The following MMP26 variants were observed in gnomAD, a reference collection of about 807,000 sequenced individuals.
The protein encoded by MMP26 is matrix metallopeptidase 26.
A neutral mutation model predicts 31.0 loss-of-function variants in MMP26; 33 were observed. The ratio of observed to expected loss-of-function variants is 1.06; its 90% CI spans 0.81 to 1.42. MMP26 has a LOEUF of 1.42. MMP26 is among the 40% of genes most tolerant of loss of function. MMP26 has a pLI of 0.00. For missense variants in MMP26, 347 were observed against 316.1 expected (o/e 1.10, Z -0.74); for synonymous variants, 122 against 114.9 (o/e 1.06, Z -0.40).
chr11:4,819,290 G>A (rs1310595548), intron 2 of MMP26, among the ~76,000 whole-genome samples: 5 of 152,122 alleles, frequency 3.3e-5, no homozygotes, highest in Admixed American at 6.5e-5. Flanking sequence ...GAAATATGAG[G>A]CTGTGAAAAT....
At chr11:4,810,833 C>A (rs1224524133) in intron 2 of MMP26, among the ~76,000 whole-genome samples, 2 of 152,166 alleles carry the variant, frequency 1.3e-5, no homozygotes, top group Non-Finnish European at 2.9e-5. Context: ...ATTTTTAAAT[C>A]TAATGTTTTT....
At chr11:4,848,402 G>T (rs1369869452) in intron 2 of MMP26, 7 of 1,613,898 alleles carry the variant, frequency 4.3e-6, no homozygotes, top group Non-Finnish European at 1.7e-6. Context: ...GCTCAGGATG[G>T]TTAATCAGTG....
intron 2 of MMP26, among the ~76,000 whole-genome samples, chr11:4,826,767 T>C (rs1423028428): frequency 6.6e-6 from 1 of 152,008 alleles, no homozygotes; most frequent in Non-Finnish European, 1.5e-5. Context: ...AAAAAGGAAT[T>C]TGGAGGTTGA....
At chr11:4,774,172 G>A (rs183394896) in intron 2 of MMP26, among the ~76,000 whole-genome samples, 12 of 152,256 alleles carry the variant, frequency 7.9e-5, no homozygotes, top group African/African-American at 2.4e-4. Context: ...GGATTGCTGG[G>A]TCAAATGGTA....
intron 2 of MMP26, among the ~76,000 whole-genome samples, chr11:4,870,639 G>A (rs1313159691): frequency 6.6e-6 from 1 of 152,074 alleles, no homozygotes; most frequent in East Asian, 1.9e-4. Flanking sequence ...AAGAAGAGAG[G>A]GAGAAAAGAC....
chr11:4,907,358 A>G, intron 2 of MMP26: 3 of 1,530,322 alleles, frequency 2.0e-6, no homozygotes, highest in Non-Finnish European at 2.7e-6. Flanking sequence ...ACGAGCTCAT[A>G]TCTCCCTCAT....
At chr11:4,799,525 A>C (rs12788159) in intron 2 of MMP26, among the ~76,000 whole-genome samples, 32,336 of 152,098 alleles carry the variant, frequency 0.21, 4,044 homozygotes, top group African/African-American at 0.34. Context: ...ACATTTCAAC[A>C]TGAGATTTGG....
At chr11:4,821,558 T>A (rs768272908) in intron 2 of MMP26, 1 of 1,613,014 alleles carries the variant, frequency 6.2e-7, no homozygotes, top group South Asian at 1.1e-5. Context: ...GGAAATAGCA[T>A]GATCCTGTTT....
At chr11:4,891,400 CT>C (rs1850619669) in intron 2 of MMP26, among the ~76,000 whole-genome samples, 1 of 152,132 alleles carries the variant, frequency 6.6e-6, no homozygotes, top group Admixed American at 6.6e-5. Context: ...TGAGATCCCA[CT>C]CACTATCAAG....
Position 4,882,837 on chromosome 11 carries a change from G to T in MMP26, c.-144-105231G>T, listed in dbSNP as rs766484138. The T allele has an allele frequency of 7.4e-6, 12 of 1,613,592 alleles. No homozygotes were observed. In the South Asian group the frequency reaches 1.3e-4, roughly 18 times the overall value. ...ATGTTCCAGCTGCTCCAATCCAAGG[G>T]TTCATGGGGTTTTAATGTGAGGGGT... On this transcript the variant is annotated intron_variant, in intron 2 of 7. Coordinates refer to ENST00000380390, the MANE Select transcript of MMP26 (RefSeq NM_021801.5).
At chr11:4,790,160 T>C (rs1849004366) in intron 2 of MMP26, among the ~76,000 whole-genome samples, 1 of 151,882 alleles carries the variant, frequency 6.6e-6, no homozygotes. Context: ...GCTAACATAG[T>C]GAAACCCCGT....
chr11:4,891,600 G>T (rs1358352620), intron 2 of MMP26, among the ~76,000 whole-genome samples: 1 of 152,174 alleles, frequency 6.6e-6, no homozygotes, highest in Non-Finnish European at 1.5e-5. Context: ...GCAGTCCAAA[G>T]TAAGGACATA....
At chr11:4,968,549 A>G (rs1846626008) in intron 2 of MMP26, among the ~76,000 whole-genome samples, 1 of 151,942 alleles carries the variant, frequency 6.6e-6, no homozygotes, top group African/African-American at 2.4e-5. Context: ...TCTTAAAATA[A>G]TCTCTTAAAT....
chr11:4,870,825 T>G (rs561743181), intron 2 of MMP26, among the ~76,000 whole-genome samples: 8 of 152,272 alleles, frequency 5.3e-5, no homozygotes, highest in African/African-American at 1.9e-4. Context: ...AGGAAGCTGA[T>G]CTGGAGATCA....
At chr11:4,869,154 T>C (rs1324219754) in intron 2 of MMP26, among the ~76,000 whole-genome samples, 2 of 152,176 alleles carry the variant, frequency 1.3e-5, no homozygotes, top group Non-Finnish European at 2.9e-5. Context: ...GATATAGGCA[T>C]GGGCAAGGAC....
chr11:4,907,391 G>A (rs11034596), intron 2 of MMP26: 159,599 of 1,612,132 alleles, frequency 0.099, 13,754 homozygotes, highest in East Asian at 0.56. Context: ...CAATAACTCC[G>A]AAGTCAAGCT....
At chr11:4,848,952 A>G in intron 2 of MMP26, 1 of 1,614,144 alleles carries the variant, frequency 6.2e-7, no homozygotes, top group Non-Finnish European at 8.5e-7. Flanking sequence ...CAGTGTGGGC[A>G]TCAGGGCAGT....
rs1480233637 is a variant in MMP26 at position 4,935,609 on chromosome 11, C to G, written c.-144-52459C>G. Among the ~76,000 whole-genome samples, 9 of 152,106 alleles carry G rather than the reference C, an allele frequency of 5.9e-5. No homozygotes were observed. In the East Asian group the frequency reaches 1.6e-3, roughly 26 times the overall value. ...ATTGCCCTTGCCAGAACTTCCAACA[C>G]TATGTTGAATAGGAGTGGTGAGAGA... On this transcript the variant is annotated intron_variant, in intron 2 of 7. Transcript: ENST00000380390.
chr11:4,791,856 G>T (rs1353422295), intron 2 of MMP26, among the ~76,000 whole-genome samples: 1 of 151,758 alleles, frequency 6.6e-6, no homozygotes, highest in Non-Finnish European at 1.5e-5. Flanking sequence ...TTCACCCCGA[G>T]TCCTTCCCAG....
Sources: allele counts gnomAD v4.1 joint callset (sites outside exome capture counted in the v4.1 genomes callset), GRCh38; gene constraint gnomAD v4.1.1; transcripts MANE v1.5; gene names NCBI Gene and HGNC (gene_info 2026-07-23, HGNC 2026-07-21).